The following PTK2 variants were observed in gnomAD, a reference collection of about 807,000 sequenced individuals.
PTK2 encodes focal adhesion kinase 1.
A neutral mutation model predicts 150.1 loss-of-function variants in PTK2; 45 were observed. That is an observed-to-expected ratio of 0.30 (90% CI 0.24 to 0.38). The LOEUF (loss-of-function observed/expected upper bound fraction) is 0.38. Among genes scored for constraint, PTK2 ranks in the 10% least tolerant of loss-of-function variants. PTK2 has a pLI of 1.00. For missense variants in PTK2, 919 were observed against 1,307.3 expected, an observed-to-expected ratio of 0.70 and a Z score of 4.58; for synonymous variants, 432 against 449.2, an observed-to-expected ratio of 0.96 and a Z score of 0.48.
chr8:140,696,887 C>G (rs923431240), intron 26 of PTK2, among the ~76,000 whole-genome samples: 1 of 151,904 alleles, frequency 6.6e-6, no homozygotes, highest in African/African-American at 2.4e-5. Flanking sequence ...GTAAGGAAAA[C>G]AAGCAAAGAG....
intron 5 of PTK2, among the ~76,000 whole-genome samples, chr8:140,859,973 C>T (rs2154605502): frequency 6.6e-6 from 1 of 152,274 alleles, no homozygotes; most frequent in South Asian, 2.1e-4. Context: ...CTTACCAAAC[C>T]AGCAATAAAA....
chr8:140,964,804 G>A (rs2100184672), intron 1 of PTK2, among the ~76,000 whole-genome samples: 1 of 152,088 alleles, frequency 6.6e-6, no homozygotes, highest in African/African-American at 2.4e-5. Context: ...ACAGAGATCT[G>A]CTATACATTC....
chr8:140,946,870 TA>T (rs1420708383), intron 1 of PTK2, among the ~76,000 whole-genome samples: 1 of 152,206 alleles, frequency 6.6e-6, no homozygotes. Context: ...AAGCACTTAG[TA>T]AAAGTTCAAC....
At chr8:140,943,303 T>C (rs2100176498) in intron 1 of PTK2, among the ~76,000 whole-genome samples, 1 of 152,218 alleles carries the variant, frequency 6.6e-6, no homozygotes, top group African/African-American at 2.4e-5. Flanking sequence ...TCTTACAGAT[T>C]TGACTTACCA....
intron 10 of PTK2, among the ~76,000 whole-genome samples, chr8:140,814,112 T>C (rs1387446249): frequency 6.6e-6 from 1 of 152,152 alleles, no homozygotes; most frequent in Non-Finnish European, 1.5e-5. Context: ...AGGAAGAAAC[T>C]GAAGCCCTGA....
chr8:140,858,497 A>G (rs1474869603), intron 5 of PTK2, among the ~76,000 whole-genome samples: 1 of 152,104 alleles, frequency 6.6e-6, no homozygotes, highest in African/African-American at 2.4e-5. Flanking sequence ...TGTAAAAACC[A>G]AAGAGAAAAA....
chr8:140,823,752 G>A (rs2100110252), intron 8 of PTK2, among the ~76,000 whole-genome samples: 1 of 152,130 alleles, frequency 6.6e-6, no homozygotes, highest in South Asian at 2.1e-4. Flanking sequence ...GTCCCACCCA[G>A]TTCAGATTCT....
chr8:140,793,525 CT>C, intron 12 of PTK2, 141 bp from the exon 13 acceptor site: 1 of 768,008 alleles, frequency 1.3e-6, no homozygotes, highest in Non-Finnish European at 2.0e-6. Flanking sequence ...CACTGTCTAC[CT>C]TAGGTTCTCA....
intron 1 of PTK2, among the ~76,000 whole-genome samples, chr8:140,927,958 G>GAAAAAAAAAAAAAAAAAAAAAAAAAAAAA (rs57931737): frequency 1.6e-5 from 1 of 63,638 alleles, no homozygotes; most frequent in Non-Finnish European, 2.6e-5. Flanking sequence ...AAAAAAAAAA[G>GAAAAAAAAAAAAAAAAAAAAAAAAAAAAA]AAAAAAAAAA....
intron 7 of PTK2, among the ~76,000 whole-genome samples, chr8:140,833,398 C>G (rs1487535639): frequency 6.6e-6 from 1 of 152,180 alleles, no homozygotes; most frequent in African/African-American, 2.4e-5. Context: ...CGAAATCAAA[C>G]TACTTCAGGT....
intron 20 of PTK2, among the ~76,000 whole-genome samples, chr8:140,741,143 TAAA>T (rs2100055413): frequency 7.4e-6 from 1 of 135,536 alleles, no homozygotes; most frequent in Admixed American, 7.4e-5. Context: ...GACCCTGTCT[TAAA>T]AAATGTTTTA....
chr8:140,890,513 T>TA, intron 3 of PTK2, 30 bp downstream of exon 3: 1 of 1,562,900 alleles, frequency 6.4e-7, no homozygotes, highest in Non-Finnish European at 8.8e-7. Flanking sequence ...AAATAAACAT[T>TA]AAAGATGTCT....
At chr8:140,817,247 C>T (rs1249965672) in intron 10 of PTK2, among the ~76,000 whole-genome samples, 1 of 149,090 alleles carries the variant, frequency 6.7e-6, no homozygotes, top group African/African-American at 2.5e-5. Flanking sequence ...TAAGTATGGG[C>T]AGGGGGTGGG....
At chr8:140,693,333 T>A (rs1424666364) in intron 26 of PTK2, among the ~76,000 whole-genome samples, 1 of 151,964 alleles carries the variant, frequency 6.6e-6, no homozygotes, top group Admixed American at 6.6e-5. Context: ...GTGGGAGAAC[T>A]GCTTGAGCCC....
At chr8:140,945,944 A>C (rs2100177548) in intron 1 of PTK2, among the ~76,000 whole-genome samples, 1 of 152,026 alleles carries the variant, frequency 6.6e-6, no homozygotes, top group South Asian at 2.1e-4. Flanking sequence ...CAGTTTTTTC[A>C]ATCAGTATTT....
intron 2 of PTK2, among the ~76,000 whole-genome samples, chr8:140,918,631 A>T (rs1381729438): frequency 6.6e-6 from 1 of 152,190 alleles, no homozygotes; most frequent in African/African-American, 2.4e-5. Flanking sequence ...CAAACACCCC[A>T]GAAGGCTTTA....
At chr8:140,711,117 T>C (rs1264607140) in intron 23 of PTK2, among the ~76,000 whole-genome samples, 1 of 151,726 alleles carries the variant, frequency 6.6e-6, no homozygotes, top group East Asian at 1.9e-4. Flanking sequence ...TTTATATTTT[T>C]ATTTTTTGAG....
At chr8:140,710,935 G>A (rs906369375) in intron 23 of PTK2, among the ~76,000 whole-genome samples, 10 of 152,100 alleles carry the variant, frequency 6.6e-5, no homozygotes, top group African/African-American at 1.9e-4. Flanking sequence ...TTCATATCCC[G>A]CGGGACTTCT....
chr8:140,671,634 T>C (rs1425339265), intron 29 of PTK2, among the ~76,000 whole-genome samples: 5 of 151,424 alleles, frequency 3.3e-5, no homozygotes, highest in Admixed American at 6.6e-5. Context: ...TCTACTTAGG[T>C]CGGGTGCGGT....
Sources: allele counts gnomAD v4.1 joint callset (sites outside exome capture counted in the v4.1 genomes callset), GRCh38; gene constraint gnomAD v4.1.1; transcripts MANE v1.5; gene names NCBI Gene and HGNC (gene_info 2026-07-23, HGNC 2026-07-21).